The following PARG variants were observed in gnomAD, a reference collection of about 807,000 sequenced individuals.
The protein encoded by PARG is poly(ADP-ribose) glycohydrolase.
A neutral mutation model predicts 113.0 loss-of-function variants in PARG; 35 were observed. That is an observed-to-expected ratio of 0.31 (90% CI 0.24 to 0.41). The LOEUF is 0.41. Ranked by LOEUF, PARG falls within the 10% of genes least tolerant of loss-of-function variation. PARG has a pLI of 1.00. For missense variants in PARG, 797 were observed against 1,169.4 expected (o/e 0.68, Z 4.64); for synonymous variants, 330 against 409.9 (o/e 0.81, Z 2.36).
chr10:49,906,145 T>TG (rs1554844907), intron 7 of PARG, among the ~76,000 whole-genome samples: 1 of 100,180 alleles, frequency 1.0e-5, no homozygotes, highest in Non-Finnish European at 2.2e-5. Flanking sequence ...ATGCTGCCGC[T>TG]TTTTTTTTTT....
chr10:49,922,937 C>T (rs1837964427), intron 4 of PARG, among the ~76,000 whole-genome samples: 1 of 152,190 alleles, frequency 6.6e-6, no homozygotes, highest in South Asian at 2.1e-4. Flanking sequence ...TTCTCCCTAA[C>T]TCCAGCTGTT....
At chr10:49,909,766 A>T (rs1554845768) in intron 7 of PARG, 1 of 155,462 alleles carries the variant, frequency 6.4e-6, no homozygotes, top group African/African-American at 2.4e-5. Flanking sequence ...TTATATATAC[A>T]AAACAAAGAA....
chr10:49,837,260 T>C (rs1440312982), intron 15 of PARG, among the ~76,000 whole-genome samples: 1 of 152,148 alleles, frequency 6.6e-6, no homozygotes, highest in East Asian at 1.9e-4. Context: ...TGAGTAATGC[T>C]TAAAAGTAGC....
intron 8 of PARG, among the ~76,000 whole-genome samples, chr10:49,883,610 C>A (rs1422011811): frequency 6.7e-6 from 1 of 149,486 alleles, no homozygotes; most frequent in Non-Finnish European, 1.5e-5. Flanking sequence ...ACCAGCCTGG[C>A]CAAAATGGTG....
At chr10:49,941,112 T>C (rs1325724216) in intron 1 of PARG, among the ~76,000 whole-genome samples, 2 of 152,232 alleles carry the variant, frequency 1.3e-5, no homozygotes. Context: ...CAGCTTAAAC[T>C]AATAGCTCTG....
At chr10:49,905,347 T>C (rs1280333100) in intron 7 of PARG, among the ~76,000 whole-genome samples, 9 of 152,342 alleles carry the variant, frequency 5.9e-5, no homozygotes, top group South Asian at 2.1e-4. Context: ...CTAGTTAAGA[T>C]TGAATAACAT....
chr10:49,844,348 T>C (rs2579034), intron 13 of PARG, among the ~76,000 whole-genome samples: 140,648 of 152,154 alleles, frequency 0.92, 65,799 homozygotes, highest in East Asian at 1. Context: ...ACTGGCCAGG[T>C]GCAGTGGCTC....
intron 7 of PARG, among the ~76,000 whole-genome samples, chr10:49,892,683 T>C (rs143105132): frequency 0.014 from 2,191 of 152,372 alleles, 48 homozygotes; most frequent in African/African-American, 0.048. Flanking sequence ...GCTTTTGTCA[T>C]GTTGTCATCA....
chr10:49,877,960 T>C (rs1243236519), intron 9 of PARG, among the ~76,000 whole-genome samples: 1 of 151,786 alleles, frequency 6.6e-6, no homozygotes, highest in Admixed American at 6.6e-5. Context: ...TGGAAAATAT[T>C]TATTAATCAC....
intron 1 of PARG, 90 bp from the exon 2 acceptor site, chr10:49,935,232 A>G: frequency 3.3e-6 from 2 of 609,336 alleles, no homozygotes; most frequent in Non-Finnish European, 5.9e-6. Context: ...TAGGTTCTAC[A>G]GGTTAAACAA....
chr10:49,859,185 G>A (rs114787231), intron 12 of PARG, among the ~76,000 whole-genome samples: 1,788 of 145,870 alleles, frequency 0.012, 52 homozygotes, highest in African/African-American at 0.043. Context: ...CTATATGAGG[G>A]GAATGGTAAA....
intron 16 of PARG, 52 bp from the exon 17 acceptor site, chr10:49,820,345 A>AGGGCAAGACTCCATCT: frequency 7.2e-7 from 1 of 1,380,294 alleles, no homozygotes; most frequent in African/African-American, 1.4e-5. Flanking sequence ...CCACCTAGAT[A>AGGGCAAGACTCCATCT]CCTTTAGCTC....
intron 13 of PARG, among the ~76,000 whole-genome samples, chr10:49,846,373 GTT>G (rs35336063): frequency 1.4e-5 from 2 of 145,438 alleles, no homozygotes. Flanking sequence ...TGATAGACAT[GTT>G]TTTTTTTTTT....
At chr10:49,878,639 A>AAT (rs4012535) in intron 9 of PARG, among the ~76,000 whole-genome samples, 10 of 150,910 alleles carry the variant, frequency 6.6e-5, no homozygotes, top group African/African-American at 2.4e-4. Context: ...AAAAAAAAAA[A>AAT]GTGGTGTTAC....
chr10:49,832,471 T>C (rs1232918383), intron 16 of PARG, among the ~76,000 whole-genome samples: 1 of 152,200 alleles, frequency 6.6e-6, no homozygotes, highest in Non-Finnish European at 1.5e-5. Flanking sequence ...GTGAAATAAC[T>C]GTCCATAAAA....
In PARG at chr10:49,844,884, C is replaced by A. The variant is rs180995349; in HGVS notation, c.2354-1252G>T. Reference sequence around the variant, plus strand: ...AAGGACTTGTGTTCAGAATATGCGACGAACTCCTACATGTCTGCAATAAAA... The same window carrying A: ...AAGGACTTGTGTTCAGAATATGCGAAGAACTCCTACATGTCTGCAATAAAA... On this transcript the variant is annotated intron_variant, in intron 13 of 17. Coordinates refer to ENST00000616448, the MANE Select transcript of PARG (RefSeq NM_003631.5). Among the ~76,000 whole-genome samples the A allele has an allele frequency of 2.0e-5, 3 of 152,240 alleles. No homozygotes were observed. In the East Asian group the frequency reaches 5.8e-4, roughly 29 times the overall value.
chr10:49,823,793 G>C (rs2132353112), intron 16 of PARG, among the ~76,000 whole-genome samples: 2 of 152,048 alleles, frequency 1.3e-5, no homozygotes, highest in East Asian at 3.9e-4. Flanking sequence ...TAGATCTCTA[G>C]TCATTTGCCA....
At chr10:49,847,638 T>C (rs1845574032) in intron 13 of PARG, among the ~76,000 whole-genome samples, 1 of 150,690 alleles carries the variant, frequency 6.6e-6, no homozygotes, top group Non-Finnish European at 1.5e-5. Context: ...CCTGGACTAA[T>C]TGAAGACTGG....
At position 49,856,238 on chromosome 10, in the gene PARG, G is replaced by T. The variant is rs1215178730; in HGVS notation, c.2353+1068C>A. 8.7e-4 allele frequency among the ~76,000 whole-genome samples: 132 copies of T among 151,220 alleles called. 2 individuals are homozygous for T. The highest frequency in any genetic ancestry group is 8.7e-3 in the Admixed American group (132 of 15,226). The stretch of plus-strand genomic sequence containing the variant: ...TCTGTCGCCCAGGCTGCAGTACAGT[G>T]GCGCGATCTCAGCTCACTGCAACCT... On this transcript the variant is annotated intron_variant, in intron 13 of 17. Coordinates refer to ENST00000616448, the MANE Select transcript of PARG (RefSeq NM_003631.5).
Sources: allele counts gnomAD v4.1 joint callset (sites outside exome capture counted in the v4.1 genomes callset), GRCh38; gene constraint gnomAD v4.1.1; transcripts MANE v1.5; gene names NCBI Gene and HGNC (gene_info 2026-07-23, HGNC 2026-07-21).